SMPDL3B: variants seen among roughly 807,000 people sequenced by gnomAD.
The protein encoded by SMPDL3B is sphingomyelin phosphodiesterase acid like 3B, also known as acid sphingomyelinase-like phosphodiesterase 3b.
In SMPDL3B, 31 loss-of-function variants were observed where a neutral mutation model predicts 37.9. That is an observed-to-expected ratio of 0.82 (90% CI 0.61 to 1.10). The LOEUF (loss-of-function observed/expected upper bound fraction) is 1.10. Among genes scored for constraint, SMPDL3B ranks in the 50% least tolerant of loss-of-function variants. SMPDL3B has a pLI of 0.00. For synonymous variants in SMPDL3B, 235 were observed against 242.6 expected, an observed-to-expected ratio of 0.97 and a Z score of 0.29; for missense variants, 525 against 597.8, an observed-to-expected ratio of 0.88 and a Z score of 1.27.
intron 3 of SMPDL3B, among the ~76,000 whole-genome samples, chr1:27,952,463 A>G (rs1252605674): frequency 6.6e-6 from 1 of 152,214 alleles, no homozygotes; most frequent in Admixed American, 6.5e-5. Flanking sequence ...TTGATTGTCA[A>G]ATATTTATTG....
At chr1:27,937,850 G>A (rs2090322836) in intron 1 of SMPDL3B, among the ~76,000 whole-genome samples, 1 of 152,148 alleles carries the variant, frequency 6.6e-6, no homozygotes, top group South Asian at 2.1e-4. Context: ...CCAGATTGAG[G>A]ACTAGCTAAA....
chr1:27,955,380 G>C (rs2090490982), intron 5 of SMPDL3B, among the ~76,000 whole-genome samples: 1 of 152,252 alleles, frequency 6.6e-6, no homozygotes, highest in African/African-American at 2.4e-5. Flanking sequence ...TCCAAGAGAA[G>C]AGTAGTCTTT....
At chr1:27,949,192 T>G in intron 3 of SMPDL3B, 30 bp downstream of exon 3, 3 of 1,612,238 alleles carry the variant, frequency 1.9e-6, no homozygotes, top group Non-Finnish European at 2.5e-6. Flanking sequence ...CCCTCCACAG[T>G]GTTCTCGGAA....
chr1:27,954,580 C>T, intron 5 of SMPDL3B, 54 bp downstream of exon 5: 1 of 1,562,132 alleles, frequency 6.4e-7, no homozygotes, highest in Admixed American at 1.7e-5. Flanking sequence ...CTGCACAAGT[C>T]TCCCGCTTGG....
intron 1 of SMPDL3B, among the ~76,000 whole-genome samples, chr1:27,937,624 G>A (rs2090321071): frequency 6.6e-6 from 1 of 152,190 alleles, no homozygotes; most frequent in African/African-American, 2.4e-5. Context: ...TGAATCACAG[G>A]AGTCAGACTA....
At chr1:27,956,620 C>T (rs1453910686) in intron 7 of SMPDL3B, 1 of 412,864 alleles carries the variant, frequency 2.4e-6, no homozygotes, top group Admixed American at 5.8e-5. Flanking sequence ...AATATTATTC[C>T]TTTATTTATC....
chr1:27,953,181 A>G (rs375327528), intron 3 of SMPDL3B, 34 bp from the exon 4 acceptor site: 31 of 1,586,848 alleles, frequency 2.0e-5, no homozygotes, highest in Non-Finnish European at 2.6e-5. Flanking sequence ...GTGCTTTTGC[A>G]TATATATTTT....
rs553299145 is a variant in SMPDL3B at position 27,938,932 on chromosome 1, A to T, written c.61+3688A>T. On this transcript the variant is annotated intron_variant, in intron 1 of 7. Coordinates refer to ENST00000373894, the MANE Select transcript of SMPDL3B (RefSeq NM_014474.4). ...CTTATGATATTTTCAATTTTGGGGG[A>T]CGTAGCCCCATTGTAAGTCAAGGAA... 4 of 152,178 alleles carry T rather than the reference A, an allele frequency of 2.6e-5. No individual in the cohort carries two copies. In the South Asian group the frequency reaches 8.3e-4, roughly 32 times the overall value. The allele number at this position is 152,178 out of a possible 1,614,324, so 9.4% of individuals were successfully genotyped here.
In SMPDL3B at chr1:27,958,829, C is replaced by A. The variant is rs757556750; in HGVS notation, c.1359C>A (p.Leu453=). ...LLMALLGLCT[L]VL ...TGGCCCTGCTGGGCCTGTGCACGCT[C>A]GTGCTGTGACCTGCCAGGCTCACCT... The change falls in exon 8 of 8, where the codon CTC becomes CTA. Residue 453 remains leucine (L), a synonymous_variant. Coordinates refer to ENST00000373894, the MANE Select transcript of SMPDL3B (RefSeq NM_014474.4). This position sits in a 1 kb window ranked among gnomAD's most constrained non-coding sequence, Gnocchi z 5.6. 1.9e-6 allele frequency: 3 copies of A among 1,585,710 alleles called. No individual in the cohort carries two copies. The highest frequency in any genetic ancestry group is 1.1e-5 in the South Asian group (1 of 89,436).
chr1:27,950,047 T>A (rs6659358), intron 3 of SMPDL3B, among the ~76,000 whole-genome samples: 56,094 of 151,984 alleles, frequency 0.37, 10,609 homozygotes, highest in South Asian at 0.58. Flanking sequence ...ATTTTACTGA[T>A]GAGGGAGGTG....
rs1415114151 is a variant in SMPDL3B, at chr1:27,939,343, T to A, written c.61+4099T>A. Among the ~76,000 whole-genome samples the A allele has an allele frequency of 2.0e-5, 3 of 152,162 alleles. No homozygotes were observed. In the East Asian group the frequency reaches 5.8e-4, roughly 29 times the overall value. ...GATCCCATATCATGTATGATTTTAA[T>A]TTTTTTATCTTATTTTTCTTTTTTG... is the stretch of plus-strand genomic sequence containing the variant. On this transcript the variant is annotated intron_variant, in intron 1 of 7. Transcript: ENST00000373894.
chr1:27,949,320 C>T (rs1291956966), intron 3 of SMPDL3B, among the ~76,000 whole-genome samples, 158 bp downstream of exon 3: 1 of 152,206 alleles, frequency 6.6e-6, no homozygotes, highest in Non-Finnish European at 1.5e-5. Context: ...TCTCACCTTC[C>T]TAACAAGCCC....
intron 7 of SMPDL3B, chr1:27,956,472 G>C: frequency 8.3e-7 from 1 of 1,203,192 alleles, no homozygotes. Flanking sequence ...GTGTCTCCTT[G>C]ACCTAGTACT....
At chr1:27,939,024 C>T (rs187579423) in intron 1 of SMPDL3B, 2 of 152,340 alleles carry the variant, frequency 1.3e-5, no homozygotes, top group East Asian at 3.9e-4. Flanking sequence ...GTGATCATTT[C>T]CATTCTGACG....
intron 2 of SMPDL3B, among the ~76,000 whole-genome samples, chr1:27,946,268 G>A (rs988575958): frequency 2.0e-5 from 3 of 151,534 alleles, no homozygotes; most frequent in African/African-American, 4.9e-5. Context: ...CAGGAGAATC[G>A]CTTGCATTTG....
intron 1 of SMPDL3B, among the ~76,000 whole-genome samples, chr1:27,935,781 G>A (rs1402134990): frequency 6.6e-6 from 1 of 152,204 alleles, no homozygotes; most frequent in Non-Finnish European, 1.5e-5. Context: ...GAGAAGAGCT[G>A]TCAAATCAGG....
At chr1:27,954,080 C>T (rs2090477516) in intron 4 of SMPDL3B, among the ~76,000 whole-genome samples, 1 of 152,238 alleles carries the variant, frequency 6.6e-6, no homozygotes, top group South Asian at 2.1e-4. Flanking sequence ...AAACACACAT[C>T]ACTGTTAGTC....
chr1:27,954,557 C>A, intron 5 of SMPDL3B, 31 bp downstream of exon 5: 1 of 1,604,854 alleles, frequency 6.2e-7, no homozygotes, highest in African/African-American at 1.3e-5. Context: ...CTTTTCTCAT[C>A]TGGGGTTATT....
rs17162914 is a variant in SMPDL3B, at chr1:27,942,281, C to T, written c.62-2951C>T. 4.2e-3 allele frequency: 1,957 copies of T among 469,582 alleles called. 28 individuals are homozygous for T. The highest frequency in any genetic ancestry group is 0.035 in the African/African-American group (1,766 of 49,880). 29.1% of individuals were successfully genotyped at this position (469,582 alleles called of 1,614,324 possible). ...CCTCTTTCTCTGTCTGCAGAGGAAG[C>T]GCAAGGACCATGTGCCCAAGAGAAA... On this transcript the variant is annotated intron_variant, in intron 1 of 7. Coordinates refer to ENST00000373894, the MANE Select transcript of SMPDL3B (RefSeq NM_014474.4).
Sources: allele counts gnomAD v4.1 joint callset (sites outside exome capture counted in the v4.1 genomes callset), GRCh38; gene constraint gnomAD v4.1.1; non-coding constraint Gnocchi (gnomAD v3.1); transcripts MANE v1.5; gene names NCBI Gene and HGNC (gene_info 2026-07-23, HGNC 2026-07-21).